The following DHX38 variants were observed in gnomAD, a reference collection of about 807,000 sequenced individuals.
The protein encoded by DHX38 is DEAH-box helicase 38, also known as pre-mRNA-splicing factor ATP-dependent RNA helicase PRP16.
A neutral mutation model predicts 153.1 loss-of-function variants in DHX38; 100 were observed. That is an observed-to-expected ratio of 0.65 (90% CI 0.56 to 0.77). The LOEUF is 0.77. Among genes scored for constraint, DHX38 ranks in the 30% least tolerant of loss-of-function variants. The probability of loss-of-function intolerance (pLI) is 0.00; values close to 1 mark genes in which losing one functional copy is unlikely to be tolerated. For synonymous variants in DHX38, 650 were observed against 631.7 expected (o/e 1.03, Z -0.43); for missense variants, 1,440 against 1,654.0 (o/e 0.87, Z 2.24).
chr16:72,106,132 C>G lies in DHX38; in HGVS notation c.2600+15C>G, dbSNP rs756220192. The G allele has an allele frequency of 1.2e-6, 2 of 1,612,788 alleles. No homozygotes were observed. Among genetic ancestry groups the G allele is most frequent in the Middle Eastern group, 1.7e-4 (1 of 6,042 alleles). ...CAGTGTTTCAGGTAGGAGCCCTGTG[C>G]TAGCCTGCTTTCTGGGGCAGCGCTG... is the stretch of plus-strand genomic sequence containing the variant. On this transcript the variant is annotated intron_variant, in intron 19 of 26. Transcript: ENST00000268482.
In DHX38 at chr16:72,096,517, G is replaced by A. The variant is rs765526391; in HGVS notation, c.323+37G>A. On this transcript the variant is annotated intron_variant, in intron 2 of 26. Coordinates refer to ENST00000268482, the MANE Select transcript of DHX38 (RefSeq NM_014003.4). Reference sequence around the variant, plus strand: ...AGTATGGGTTAGCCCAGAGGGAAGCGAACGGAGGCTGGAAAATAACAGCTC... The same window carrying A: ...AGTATGGGTTAGCCCAGAGGGAAGCAAACGGAGGCTGGAAAATAACAGCTC... 5.8e-6 allele frequency: 9 copies of A among 1,544,528 alleles called. No homozygotes were observed. In the African/African-American group the frequency reaches 8.3e-5, roughly 14 times the overall value.
rs372175315 is a variant in DHX38, at chr16:72,105,181, A to G, written c.2262+44A>G. On this transcript the variant is annotated intron_variant, in intron 16 of 26. Coordinates refer to ENST00000268482, the MANE Select transcript of DHX38 (RefSeq NM_014003.4). ...ACTGTGATGAGCGGGTGTGTCTTGC[A>G]TATGAGAGGTTAGGGTTCCAGTGTC... The G allele has an allele frequency of 3.7e-6, 6 of 1,613,820 alleles. No homozygotes were observed. The African/African-American group carries it at 8.0e-5, about 22-fold the overall frequency.
chr16:72,112,861 A>G lies in DHX38; in HGVS notation c.*364A>G, dbSNP rs1416619614. ...CAAAAAAGACCTAAAGGGAATTGTA[A>G]TTTGGTTATAATTCAGGATTTGGAA... is the stretch of plus-strand genomic sequence containing the variant. On this transcript the variant is annotated 3_prime_UTR_variant, in exon 27 of 27. Transcript: ENST00000268482. The G allele has an allele frequency of 1.4e-6, 1 of 700,624 alleles. No individual in the cohort carries two copies. Among genetic ancestry groups the G allele is most frequent in the Non-Finnish European group, 2.6e-6 (1 of 384,250 alleles). The allele number at this position is 700,624 out of a possible 1,614,324, so 43.4% of individuals were successfully genotyped here.
chr16:72,108,908 T>C lies in DHX38; in HGVS notation c.3364T>C (p.Leu1122=). The change falls in exon 24 of 27, where the codon TTG becomes CTG. Residue 1122 remains leucine (L), a synonymous_variant. Transcript: ENST00000268482. ...YTPDYIVYHE[L]VMTTKEYMQC... The stretch of plus-strand genomic sequence containing the variant: ...CCCAGATTACATAGTGTATCACGAG[T>C]TGGTCATGACCACCAAGGTGAGTCT... 1 of 1,609,722 alleles carries C rather than the reference T, an allele frequency of 6.2e-7. No individual in the cohort carries two copies. The highest frequency in any genetic ancestry group is 2.2e-5 in the East Asian group (1 of 44,818).
chr16:72,112,126 C>T (rs1162284443), intron 26 of DHX38: 3 of 476,096 alleles, frequency 6.3e-6, no homozygotes, highest in South Asian at 2.8e-5. Flanking sequence ...GTTGGAGTGG[C>T]GCACGTGAGG....
rs1407021176 is a variant in DHX38, at chr16:72,103,180, G to C, written c.1606G>C (p.Ala536Pro). ...GCAGAGGCAGTACCTGCCCATCTTTGCAGTGCAGCAGGAGCTGCTCACTAT... is the reference window on the plus strand; with the variant it reads ...GCAGAGGCAGTACCTGCCCATCTTTCCAGTGCAGCAGGAGCTGCTCACTAT... The part of the protein sequence containing the change: ...LEQRQYLPIF[A>P]VQQELLTIIR... Residue 536 changes from alanine (A) to proline (P), a missense_variant, in exon 12 of 27, where the codon GCA (alanine) becomes CCA (proline). Transcript: ENST00000268482. 3 of 1,614,208 alleles carry C rather than the reference G, an allele frequency of 1.9e-6. No homozygotes were observed. The highest frequency in any genetic ancestry group is 2.5e-6 in the Non-Finnish European group (3 of 1,180,034).
chr16:72,099,016 G>C lies in DHX38; in HGVS notation c.854G>C (p.Gly285Ala), dbSNP rs548505029. Residue 285 changes from glycine to alanine, a missense_variant, in exon 6 of 27, where the codon GGG becomes GCG. Coordinates refer to ENST00000268482, the MANE Select transcript of DHX38 (RefSeq NM_014003.4). The part of the protein sequence containing the change: ...NEWADDRRHL[G>A]STPRLSRGRG... ...TGGGCCGATGACAGAAGACACTTGG[G>C]GTCCACCCCGCGTCTGTCCAGGGGC... 6.2e-7 allele frequency: 1 copy of C among 1,612,984 alleles called. No homozygotes were observed. Among genetic ancestry groups the C allele is most frequent in the South Asian group, 1.1e-5 (1 of 91,018 alleles).
intron 25 of DHX38, 145 bp from the exon 26 acceptor site, chr16:72,110,811 G>A (rs1302070882): frequency 2.3e-5 from 25 of 1,110,264 alleles, no homozygotes; most frequent in Admixed American, 5.8e-5. Flanking sequence ...AAGAGAAGGC[G>A]GCTTTGGTAC....
intron 23 of DHX38, 87 bp downstream of exon 23, chr16:72,108,694 A>G (rs777416099): frequency 6.3e-7 from 1 of 1,589,434 alleles, no homozygotes; most frequent in Non-Finnish European, 8.6e-7. Context: ...GGTTCTGCAG[A>G]TCTGGGCTTC....
chr16:72,103,563 A>C, intron 12 of DHX38, 39 bp from the exon 13 acceptor site: 1 of 1,584,084 alleles, frequency 6.3e-7, no homozygotes. Context: ...TTGGCCTTCC[A>C]CTTCGGCTGA....
At position 72,107,483 on chromosome 16, in the gene DHX38, C is replaced by T; in HGVS notation, c.2744C>T (p.Pro915Leu). Reference sequence around the variant, plus strand: ...CTGCAGTTCCACTTCATGGACCCGCCCCCGGAGGACAACATGCTCAACTCT... The same window carrying T: ...CTGCAGTTCCACTTCATGGACCCGCTCCCGGAGGACAACATGCTCAACTCT... ...DLLQFHFMDP[P>L]PEDNMLNSMY... Residue 915 changes from proline to leucine, a missense_variant, in exon 20 of 27, where the codon CCC becomes CTC. Physicochemically the swap from Pro to Leu is moderately conservative, Grantham distance 98 (BLOSUM62 -3). Transcript: ENST00000268482. The surrounding 1 kb of genome is among the most constrained non-coding windows in gnomAD (Gnocchi z 5.3). 6.2e-7 allele frequency: 1 copy of T among 1,614,158 alleles called. No individual in the cohort carries two copies. The highest frequency in any genetic ancestry group is 8.5e-7 in the Non-Finnish European group (1 of 1,180,014).
Position 72,112,599 on chromosome 16 carries a change from C to G in DHX38, c.*102C>G. 8.0e-7 allele frequency: 1 copy of G among 1,253,680 alleles called. No individual in the cohort carries two copies. The highest frequency in any genetic ancestry group is 1.2e-5 in the South Asian group (1 of 81,722). The allele number at this position is 1,253,680 out of a possible 1,614,324, so 77.7% of individuals were successfully genotyped here. On this transcript the variant is annotated 3_prime_UTR_variant, in exon 27 of 27. Transcript: ENST00000268482. ...CAAAGCCCTTTCATCTGAGGACTTTCATCTGTGCATATCACGGCCCCCCAG... is the reference window on the plus strand; with the variant it reads ...CAAAGCCCTTTCATCTGAGGACTTTGATCTGTGCATATCACGGCCCCCCAG...
In DHX38 at chr16:72,112,540, C is replaced by T. The variant is rs1331281925; in HGVS notation, c.*43C>T. 6.2e-7 allele frequency: 1 copy of T among 1,603,856 alleles called. No homozygotes were observed. Among genetic ancestry groups the T allele is most frequent in the Non-Finnish European group, 8.5e-7 (1 of 1,175,004 alleles). ...AGAGGATGGCAGCAGGTATTGGGTC[C>T]TCAGCCTTCTGGCGGGAGCCCTGAG... On this transcript the variant is annotated 3_prime_UTR_variant, in exon 27 of 27. Transcript: ENST00000268482.
At chr16:72,110,926 G>T (rs774098970) in intron 25 of DHX38, 30 bp from the exon 26 acceptor site, 2 of 1,565,452 alleles carry the variant, frequency 1.3e-6, no homozygotes, top group Non-Finnish European at 1.7e-6. Context: ...GTCCCCAGTA[G>T]GCTCAGCCAG....
rs2042086448 is a variant in DHX38, at chr16:72,100,602, G to T, written c.1278+5G>T. The T allele has an allele frequency of 1.2e-6, 2 of 1,613,504 alleles. No individual in the cohort carries two copies. The highest frequency in any genetic ancestry group is 2.7e-5 in the African/African-American group (2 of 74,882). Reference sequence around the variant, plus strand: ...CGCATTGTCTTCACCAAGCAGGTGAGGCTCCTCTGTGGCCAGGGACAAGAC... The same window carrying T: ...CGCATTGTCTTCACCAAGCAGGTGATGCTCCTCTGTGGCCAGGGACAAGAC... On this transcript the variant is annotated splice_donor_5th_base_variant and intron_variant, in intron 9 of 26. Transcript: ENST00000268482.
chr16:72,105,771 C>T, intron 18 of DHX38, 147 bp downstream of exon 18: 1 of 812,218 alleles, frequency 1.2e-6, no homozygotes, highest in South Asian at 1.6e-5. Flanking sequence ...CATTGACTCA[C>T]TGTGCTTGGT....
chr16:72,100,944 G>A (rs2042091446), intron 9 of DHX38, 142 bp from the exon 10 acceptor site: 3 of 864,340 alleles, frequency 3.5e-6, no homozygotes, highest in Non-Finnish European at 5.6e-6. Context: ...AAAAAGGCCT[G>A]ATGTGGAGAC....
chr16:72,104,258 T>C lies in DHX38; in HGVS notation c.2010+127T>C. ...GGCCAGAGGTTCCTGAGGCCTCTGGTTGCAGTTCAGACTCGGGTTGTAGTT... is the reference window on the plus strand; with the variant it reads ...GGCCAGAGGTTCCTGAGGCCTCTGGCTGCAGTTCAGACTCGGGTTGTAGTT... On this transcript the variant is annotated intron_variant, in intron 14 of 26. Transcript: ENST00000268482. The surrounding 1 kb of genome is among the most constrained non-coding windows in gnomAD (Gnocchi z 4.5). 7.7e-7 allele frequency: 1 copy of C among 1,302,222 alleles called. No homozygotes were observed. 80.7% of individuals were successfully genotyped at this position (1,302,222 alleles called of 1,614,324 possible).
intron 9 of DHX38, 120 bp downstream of exon 9, chr16:72,100,717 T>A: frequency 7.1e-7 from 1 of 1,399,120 alleles, no homozygotes. Context: ...GATCATTGGA[T>A]ACCAGGAGTT....
Sources: allele counts gnomAD v4.1 joint callset, GRCh38; gene constraint gnomAD v4.1.1; non-coding constraint Gnocchi (gnomAD v3.1); transcripts MANE v1.5; gene names NCBI Gene and HGNC (gene_info 2026-07-23, HGNC 2026-07-21).